The following FBXL13 variants were observed in gnomAD, a reference collection of about 807,000 sequenced individuals.
The protein encoded by FBXL13 is F-box and leucine rich repeat protein 13.
Under a neutral mutation model 83.6 loss-of-function variants are expected in FBXL13, and 67 were observed. The ratio of observed to expected loss-of-function variants is 0.80; its 90% CI spans 0.66 to 0.98. FBXL13 has a LOEUF of 0.98. FBXL13 is among the 50% of genes least tolerant of loss of function. The pLI is 0.00. For missense variants in FBXL13, 822 were observed against 866.5 expected, an observed-to-expected ratio of 0.95 and a Z score of 0.64; for synonymous variants, 272 against 299.5, an observed-to-expected ratio of 0.91 and a Z score of 0.95.
chr7:102,867,827 T>G (rs1807970522), intron 16 of FBXL13, among the ~76,000 whole-genome samples: 2 of 149,368 alleles, frequency 1.3e-5, no homozygotes, highest in Admixed American at 6.7e-5. Flanking sequence ...CTCAGCCTCC[T>G]GTAGCTGGGA....
chr7:102,837,324 C>T (rs551428493), intron 17 of FBXL13, among the ~76,000 whole-genome samples: 1 of 152,322 alleles, frequency 6.6e-6, no homozygotes, highest in African/African-American at 2.4e-5. Flanking sequence ...AGCAAAGGCC[C>T]AGCCTCAGAG....
At chr7:102,979,025 A>G (rs1827859905) in intron 6 of FBXL13, among the ~76,000 whole-genome samples, 1 of 152,234 alleles carries the variant, frequency 6.6e-6, no homozygotes, top group East Asian at 1.9e-4. Context: ...TGATATAAAG[A>G]TAGGTAATTT....
intron 17 of FBXL13, among the ~76,000 whole-genome samples, chr7:102,851,430 C>T (rs1019684702): frequency 4.3e-4 from 65 of 151,646 alleles, no homozygotes; most frequent in African/African-American, 1.5e-3. Context: ...TTTTCTTTCT[C>T]TCTTTCTTCC....
chr7:102,883,031 A>C (rs1345435723), intron 14 of FBXL13, among the ~76,000 whole-genome samples: 2 of 152,064 alleles, frequency 1.3e-5, no homozygotes, highest in Admixed American at 1.3e-4. Context: ...AACCCTCAAT[A>C]GGAAAGGTAG....
In FBXL13 at chr7:102,941,527, A is replaced by G. The variant is rs190000656; in HGVS notation, c.725-9594T>C. On this transcript the variant is annotated intron_variant, in intron 8 of 19. Coordinates refer to ENST00000313221, the Ensembl canonical transcript of FBXL13. ...CTCCCGCACAGCCAGCTCTGCATGA[A>G]TTACTCTTTCTCCATTGCAATTCCC... 4.6e-5 allele frequency among the ~76,000 whole-genome samples: 7 copies of G among 152,280 alleles called. No homozygotes were observed. In the East Asian group the frequency reaches 1.4e-3, roughly 29 times the overall value.
chr7:103,036,986 G>C (rs775358713), intron 2 of FBXL13, among the ~76,000 whole-genome samples: 16 of 152,106 alleles, frequency 1.1e-4, no homozygotes, highest in Non-Finnish European at 2.1e-4. Context: ...TAAAGTCCCT[G>C]AAATAATTTA....
intron 8 of FBXL13, among the ~76,000 whole-genome samples, chr7:102,956,222 G>T (rs1008534115): frequency 6.6e-6 from 1 of 152,112 alleles, no homozygotes; most frequent in African/African-American, 2.4e-5. Context: ...TGCAAGGCTG[G>T]TTCAACATAT....
chr7:103,057,957 C>T (rs1334191230), intron 1 of FBXL13, among the ~76,000 whole-genome samples: 1 of 152,130 alleles, frequency 6.6e-6, no homozygotes, highest in Non-Finnish European at 1.5e-5. Context: ...TCTTGATCCT[C>T]TATTTCCAGA....
At chr7:103,010,714 G>A (rs1474880689) in intron 6 of FBXL13, among the ~76,000 whole-genome samples, 1 of 152,094 alleles carries the variant, frequency 6.6e-6, no homozygotes, top group Non-Finnish European at 1.5e-5. Context: ...GCTCCATGCT[G>A]AGCCCAGACA....
At chr7:102,866,599 C>T (rs547000362) in intron 16 of FBXL13, among the ~76,000 whole-genome samples, 2 of 152,292 alleles carry the variant, frequency 1.3e-5, no homozygotes, top group African/African-American at 4.8e-5. Flanking sequence ...TCATGTGTTT[C>T]CTGCTTTAGA....
At position 102,957,848 on chromosome 7, in the gene FBXL13, G is replaced by A. The variant is rs966316304; in HGVS notation, c.724+5685C>T. Among the ~76,000 whole-genome samples, 8 of 152,142 alleles carry A rather than the reference G, an allele frequency of 5.3e-5. No homozygotes were observed. In the East Asian group the frequency reaches 5.8e-4, roughly 11 times the overall value. ...AAACCACAATGAGATACCATCTCAC[G>A]CCAGTTAGAATGGCAGTCATTAAAA... On this transcript the variant is annotated intron_variant, in intron 8 of 19. Coordinates refer to ENST00000313221, the Ensembl canonical transcript of FBXL13.
At chr7:102,814,665 C>A (rs1797748267) in intron 19 of FBXL13, among the ~76,000 whole-genome samples, 1 of 152,156 alleles carries the variant, frequency 6.6e-6, no homozygotes, top group South Asian at 2.1e-4. Context: ...TGAGTAAAAG[C>A]AATTATCATA....
intron 11 of FBXL13, among the ~76,000 whole-genome samples, chr7:102,902,146 A>T (rs1016085414): frequency 1.3e-5 from 2 of 152,170 alleles, no homozygotes; most frequent in African/African-American, 4.8e-5. Flanking sequence ...GTAAGATGAT[A>T]TCTCATTGTA....
intron 6 of FBXL13, among the ~76,000 whole-genome samples, chr7:103,002,861 T>C (rs979599806): frequency 3.9e-5 from 6 of 152,202 alleles, no homozygotes; most frequent in African/African-American, 1.4e-4. Flanking sequence ...AAGAGTTTAT[T>C]ACATGTCTTG....
chr7:102,888,272 C>T (rs1336324955), intron 11 of FBXL13, among the ~76,000 whole-genome samples: 1 of 152,218 alleles, frequency 6.6e-6, no homozygotes, highest in African/African-American at 2.4e-5. Flanking sequence ...GGTGCAGTGG[C>T]TCACGCCTGT....
chr7:102,916,559 C>T (rs1272618979), intron 10 of FBXL13, among the ~76,000 whole-genome samples: 1 of 152,160 alleles, frequency 6.6e-6, no homozygotes, highest in Non-Finnish European at 1.5e-5. Context: ...AGACTTAAAG[C>T]TGCTAGGGAC....
intron 1 of FBXL13, among the ~76,000 whole-genome samples, chr7:103,065,172 A>G (rs1563292652): frequency 6.6e-6 from 1 of 151,120 alleles, no homozygotes; most frequent in Admixed American, 6.6e-5. Flanking sequence ...ATACATTCTG[A>G]AAAAAAAAGC....
chr7:103,016,409 C>G (rs1382596350), intron 6 of FBXL13, among the ~76,000 whole-genome samples: 1 of 152,000 alleles, frequency 6.6e-6, no homozygotes, highest in Non-Finnish European at 1.5e-5. Context: ...CGGGTGATTT[C>G]TGCACTTCCA....
intron 5 of FBXL13, among the ~76,000 whole-genome samples, chr7:103,026,234 G>A (rs1448599787): frequency 6.6e-6 from 1 of 151,906 alleles, no homozygotes; most frequent in Non-Finnish European, 1.5e-5. Flanking sequence ...CACCTCAAGG[G>A]TTCAAGAGAT....
Sources: allele counts gnomAD v4.1 joint callset (sites outside exome capture counted in the v4.1 genomes callset), GRCh38; gene constraint gnomAD v4.1.1; transcripts MANE v1.5; gene names NCBI Gene and HGNC (gene_info 2026-07-23, HGNC 2026-07-21).